RNF125: variants seen among roughly 807,000 people sequenced by gnomAD.
RNF125 encodes ring finger protein 125.
A neutral mutation model predicts 26.0 loss-of-function variants in RNF125; 21 were observed. The observed-to-expected ratio is 0.81, with a 90% CI of 0.57 to 1.16. RNF125 has a LOEUF of 1.16. Among genes scored for constraint, RNF125 ranks in the 50% most tolerant of loss-of-function variants. RNF125 has a pLI of 0.00. For synonymous variants in RNF125, 95 were observed against 109.2 expected, an observed-to-expected ratio of 0.87 and a Z score of 0.81; for missense variants, 270 against 299.4, an observed-to-expected ratio of 0.90 and a Z score of 0.72.
At chr18:32,025,664 CAAA>C (rs34054474) in intron 1 of RNF125, among the ~76,000 whole-genome samples, 826 of 65,150 alleles carry the variant, frequency 0.013, 4 homozygotes, top group African/African-American at 0.033. Flanking sequence ...AACTCTGTCT[CAAA>C]AAAAAAAAAA....
At chr18:32,019,071 G>A (rs1364643463) in intron 1 of RNF125, 44 bp downstream of exon 1, 1 of 1,598,104 alleles carries the variant, frequency 6.3e-7, no homozygotes, top group East Asian at 2.3e-5. Context: ...CCTAAGGAGG[G>A]CGATGTGGGG....
intron 1 of RNF125, among the ~76,000 whole-genome samples, chr18:32,020,857 T>C (rs1164800049): frequency 6.6e-6 from 1 of 151,498 alleles, no homozygotes; most frequent in East Asian, 2.0e-4. Flanking sequence ...TGCAGTGAGC[T>C]GAGATGGCAT....
chr18:32,025,493 G>A (rs747513042), intron 1 of RNF125, among the ~76,000 whole-genome samples: 8 of 151,732 alleles, frequency 5.3e-5, no homozygotes, highest in African/African-American at 9.7e-5. Context: ...GCGAAACCCC[G>A]TTTCTCTAAA....
At chr18:32,035,329 G>A (rs946000742) in intron 1 of RNF125, among the ~76,000 whole-genome samples, 4 of 152,092 alleles carry the variant, frequency 2.6e-5, no homozygotes, top group Admixed American at 1.3e-4. Flanking sequence ...ATACTGTTAC[G>A]AATCAGTCAT....
chr18:32,062,096 G>A (rs1447056827), intron 4 of RNF125, among the ~76,000 whole-genome samples: 1 of 152,168 alleles, frequency 6.6e-6, no homozygotes, highest in East Asian at 1.9e-4. Flanking sequence ...GACATTATCT[G>A]TAAATATTAC....
At chr18:32,079,247 A>T in the RNF125 span, among the ~76,000 whole-genome samples, 1 of 152,132 alleles carries the variant, frequency 6.6e-6, no homozygotes, top group African/African-American at 2.4e-5. Context: ...GAGAGAGAAG[A>T]TCTCTGGAGT....
intron 1 of RNF125, among the ~76,000 whole-genome samples, chr18:32,033,524 CAAA>C (rs34652019): frequency 2.2e-5 from 3 of 133,390 alleles, no homozygotes; most frequent in Non-Finnish European, 3.2e-5. Context: ...GACTCCACCT[CAAA>C]AAAAAAAAAA....
intron 4 of RNF125, among the ~76,000 whole-genome samples, chr18:32,063,092 C>T (rs336280): frequency 0.33 from 50,611 of 151,380 alleles, 9,372 homozygotes; most frequent in South Asian, 0.43. Context: ...TGGTGGTGGG[C>T]GCCTGTAATC....
At chr18:32,031,486 GAAAAAAAAAAAAAAAAA>G (rs745809061) in intron 1 of RNF125, 2 of 20,956 alleles carry the variant, frequency 9.5e-5, no homozygotes, top group East Asian at 1.8e-3. Context: ...CAAATTGTGG[GAAAAAAAAAAAAAAAAA>G]AAAAAAAAAG....
At chr18:32,057,108 T>A (rs1231709683) in intron 4 of RNF125, among the ~76,000 whole-genome samples, 1 of 152,192 alleles carries the variant, frequency 6.6e-6, no homozygotes, top group South Asian at 2.1e-4. Flanking sequence ...CCTTTCAACA[T>A]CTTAATTTCC....
rs2039513076 is a variant in RNF125, at chr18:32,069,249, A to G, written c.*865A>G. The stretch of plus-strand genomic sequence containing the variant: ...ATTTAACCAAATTGTCTTACATAAT[A>G]CTGTAACAAAACAAATTTTGTGTTA... On this transcript the variant is annotated 3_prime_UTR_variant, in exon 6 of 6. Coordinates refer to ENST00000217740, the MANE Select transcript of RNF125 (RefSeq NM_017831.4). The G allele has an allele frequency of 6.6e-6, 1 of 151,958 alleles. No individual in the cohort carries two copies. The highest frequency in any genetic ancestry group is 1.5e-5 in the Non-Finnish European group (1 of 67,998). The allele number at this position is 151,958 out of a possible 1,614,324, so 9.4% of individuals were successfully genotyped here. A position where few individuals can be genotyped will look rare whatever the true frequency, so the allele number is the denominator to read the frequency against.
At chr18:32,038,259 A>G (rs57189025) in intron 2 of RNF125, among the ~76,000 whole-genome samples, 6,105 of 152,114 alleles carry the variant, frequency 0.04, 414 homozygotes, top group African/African-American at 0.14. Context: ...TATGTTGGCC[A>G]GGCTGTTCTC....
intron 1 of RNF125, among the ~76,000 whole-genome samples, chr18:32,034,393 G>A (rs1278373149): frequency 3.3e-5 from 5 of 152,140 alleles, no homozygotes; most frequent in Non-Finnish European, 5.9e-5. Context: ...ATGCAACAGC[G>A]CATAGGTTAT....
At chr18:32,086,369 T>C in the RNF125 span, among the ~76,000 whole-genome samples, 1 of 151,184 alleles carries the variant, frequency 6.6e-6, no homozygotes, top group East Asian at 1.9e-4. Flanking sequence ...TTTTTTTTTT[T>C]TTCTGAGACA....
chr18:32,075,934 T>G (rs1017891332), downstream of RNF125: 37 of 1,517,622 alleles, frequency 2.4e-5, no homozygotes, highest in Admixed American at 6.7e-5. Context: ...CGTCTTTGCT[T>G]CTTCATGGTC....
chr18:32,034,229 T>C (rs2039128180), intron 1 of RNF125, among the ~76,000 whole-genome samples: 1 of 152,122 alleles, frequency 6.6e-6, no homozygotes, highest in Admixed American at 6.6e-5. Context: ...AGGGTCTCCT[T>C]AGACTTGGCT....
At chr18:32,061,419 A>T (rs2039434098) in intron 4 of RNF125, among the ~76,000 whole-genome samples, 1 of 152,116 alleles carries the variant, frequency 6.6e-6, no homozygotes, top group African/African-American at 2.4e-5. Flanking sequence ...TGTACCTCTG[A>T]CTCCTTGCAT....
In RNF125 at chr18:32,037,292, T is replaced by G. The variant is rs9947278; in HGVS notation, c.318+23T>G. ...CTGGTATGTATGTGACCCCACCTAT[T>G]TTCATGGTTACCAGCTTAAGTCCCT... On this transcript the variant is annotated intron_variant, in intron 2 of 5. Transcript: ENST00000217740. 0.7 allele frequency: 1,045,454 copies of G among 1,486,020 alleles called. 370,756 individuals carry two copies. Among genetic ancestry groups the G allele is most frequent in the African/African-American group, 0.83 (56,490 of 68,042 alleles). The allele number at this position is 1,486,020 out of a possible 1,614,324, so 92.1% of individuals were successfully genotyped here.
At chr18:32,068,180 T>C (rs2039501368) in intron 5 of RNF125, 118 bp from the exon 6 acceptor site, 3 of 569,888 alleles carry the variant, frequency 5.3e-6, no homozygotes. Flanking sequence ...TGTGGAACCT[T>C]GGACAAGTCT....
Sources: gnomAD v4.1 joint callset for allele counts (sites outside exome capture counted in the v4.1 genomes callset) on GRCh38, gnomAD v4.1.1 for gene constraint, MANE v1.5 for transcripts, NCBI Gene and HGNC (gene_info 2026-07-23, HGNC 2026-07-21) for gene names.